The following FAM178B variants were observed in gnomAD, a reference collection of about 807,000 sequenced individuals.
FAM178B encodes protein FAM178B.
In FAM178B, 82 loss-of-function variants were observed where a neutral mutation model predicts 91.7. The observed-to-expected ratio is 0.89, with a 90% CI of 0.75 to 1.07. FAM178B has a LOEUF of 1.07. Among genes scored for constraint, FAM178B ranks in the 50% least tolerant of loss-of-function variants. The pLI is 0.00. For synonymous variants in FAM178B, 368 were observed against 359.4 expected (o/e 1.02, Z -0.27); for missense variants, 769 against 846.7 (o/e 0.91, Z 1.14).
intron 15 of FAM178B, 137 bp downstream of exon 15, chr2:96,878,279 G>C (rs62152871): frequency 1.1e-6 from 1 of 901,788 alleles, no homozygotes; most frequent in Non-Finnish European, 1.7e-6. Context: ...GCTCTCCCAC[G>C]CTGGCTTCCC....
At chr2:96,887,234 A>T (rs577995435) in intron 14 of FAM178B, among the ~76,000 whole-genome samples, 1 of 151,930 alleles carries the variant, frequency 6.6e-6, no homozygotes, top group Non-Finnish European at 1.5e-5. Context: ...CAACAACAAC[A>T]ACAACAAACC....
chr2:96,922,627 G>A (rs1364245552), intron 10 of FAM178B, among the ~76,000 whole-genome samples: 1 of 152,204 alleles, frequency 6.6e-6, no homozygotes, highest in Non-Finnish European at 1.5e-5. Context: ...TAAGATTACA[G>A]GCATGAGCCA....
intron 6 of FAM178B, among the ~76,000 whole-genome samples, chr2:96,957,431 G>C (rs949941891): frequency 5.3e-5 from 8 of 152,190 alleles, no homozygotes; most frequent in Non-Finnish European, 8.8e-5. Context: ...CAAGACTGCA[G>C]ATCTGAGGCA....
chr2:96,960,498 A>G (rs2082064483), intron 5 of FAM178B, 58 bp from the exon 6 acceptor site: 2 of 1,488,640 alleles, frequency 1.3e-6, no homozygotes, highest in Non-Finnish European at 1.8e-6. Flanking sequence ...GGCCTGAGGC[A>G]TGGCCATTAG....
chr2:96,876,943 C>G (rs2080257452), intron 16 of FAM178B, among the ~76,000 whole-genome samples: 1 of 152,138 alleles, frequency 6.6e-6, no homozygotes, highest in Non-Finnish European at 1.5e-5. Flanking sequence ...GGGAGTCAGG[C>G]TGGCTCATGC....
chr2:96,888,009 C>T (rs556025178), intron 14 of FAM178B, among the ~76,000 whole-genome samples: 4 of 152,158 alleles, frequency 2.6e-5, no homozygotes, highest in Non-Finnish European at 5.9e-5. Context: ...CAAGCCTGCT[C>T]GTACACTTGC....
At chr2:96,902,918 A>G (rs1206784799) in intron 12 of FAM178B, among the ~76,000 whole-genome samples, 1 of 152,232 alleles carries the variant, frequency 6.6e-6, no homozygotes, top group African/African-American at 2.4e-5. Context: ...AATCCACACA[A>G]AAACTCAAGT....
chr2:96,881,092 T>A (rs949156567), intron 14 of FAM178B, among the ~76,000 whole-genome samples: 37 of 151,782 alleles, frequency 2.4e-4, no homozygotes, highest in African/African-American at 8.0e-4. Flanking sequence ...GGCAACATAG[T>A]GAGACCCCGA....
intron 14 of FAM178B, among the ~76,000 whole-genome samples, chr2:96,892,901 C>A (rs945213880): frequency 1.3e-5 from 2 of 152,200 alleles, no homozygotes; most frequent in African/African-American, 4.8e-5. Flanking sequence ...AGAGAAGGGG[C>A]ATGCAGACAG....
At chr2:96,924,000 C>A (rs1044811826) in intron 9 of FAM178B, among the ~76,000 whole-genome samples, 1 of 152,230 alleles carries the variant, frequency 6.6e-6, no homozygotes, top group Non-Finnish European at 1.5e-5. Flanking sequence ...CTTCCACAAC[C>A]TAACCTCGAA....
intron 14 of FAM178B, among the ~76,000 whole-genome samples, chr2:96,889,022 G>A (rs566851176): frequency 2.0e-5 from 3 of 152,308 alleles, no homozygotes; most frequent in Admixed American, 6.5e-5. Context: ...AGAGCCACTC[G>A]CGCTCAGTCG....
At chr2:96,948,043 A>G (rs907979648) in intron 7 of FAM178B, 141 bp from the exon 8 acceptor site, 13 of 596,746 alleles carry the variant, frequency 2.2e-5, no homozygotes, top group Non-Finnish European at 3.9e-5. Context: ...GGACATTGTC[A>G]TTGTTGCCAA....
chr2:96,943,934 G>C (rs538624417), intron 8 of FAM178B, among the ~76,000 whole-genome samples: 1 of 152,194 alleles, frequency 6.6e-6, no homozygotes, highest in Admixed American at 6.5e-5. Context: ...TTACCAACAG[G>C]ACATCTCACA....
rs2081863329 is a variant in FAM178B, at chr2:96,948,220, G to A, written c.994-318C>T. ...GGGGGTCTTGGTCCCTCTGCCCCTC[G>A]CTCCCTGTGGTCATAGCCATGCCCC... On this transcript the variant is annotated intron_variant, in intron 7 of 16. Transcript: ENST00000490605. 3.9e-5 allele frequency among the ~76,000 whole-genome samples: 6 copies of A among 152,212 alleles called. No individual in the cohort carries two copies. In the South Asian group the frequency reaches 1.2e-3, roughly 32 times the overall value.
Position 96,929,199 on chromosome 2 carries a change from T to C in FAM178B, c.1193+7A>G. Reference sequence around the variant, plus strand: ...GAAAAAGGCAGTGAGGAAGCAGAAGTACTCACCTGCCACCGTGCCAAAAGG... The same window carrying C: ...GAAAAAGGCAGTGAGGAAGCAGAAGCACTCACCTGCCACCGTGCCAAAAGG... On this transcript the variant is annotated splice_region_variant and intron_variant, in intron 9 of 16. Coordinates refer to ENST00000490605, the MANE Select transcript of FAM178B (RefSeq NM_001122646.3). 2.0e-6 allele frequency: 3 copies of C among 1,535,096 alleles called. No homozygotes were observed. Among genetic ancestry groups the C allele is most frequent in the Non-Finnish European group, 2.6e-6 (3 of 1,132,132 alleles).
intron 13 of FAM178B, among the ~76,000 whole-genome samples, chr2:96,894,799 ACACT>A (rs1184867373): frequency 2.1e-3 from 119 of 55,372 alleles, no homozygotes; most frequent in Non-Finnish European, 3.0e-3. Context: ...ACTCACACAC[ACACT>A]CACCCACATA....
intron 7 of FAM178B, 67 bp from the exon 8 acceptor site, chr2:96,947,969 G>A: frequency 3.8e-6 from 3 of 786,234 alleles, no homozygotes; most frequent in Non-Finnish European, 6.5e-6. Flanking sequence ...AGCAATAGTA[G>A]CAAACTTCTA....
rs1410406100 is a variant in FAM178B at position 96,921,599 on chromosome 2, A to G, written c.1343T>C (p.Met448Thr). 1.3e-6 allele frequency: 2 copies of G among 1,551,538 alleles called. No individual in the cohort carries two copies. The highest frequency in any genetic ancestry group is 2.4e-5 in the East Asian group (1 of 40,926). The change falls in exon 11 of 17, where the codon ATG (methionine) becomes ACG (threonine). Residue 448 changes from methionine to threonine, a missense_variant. Physicochemically the swap from Met to Thr is moderately conservative, Grantham distance 81. Transcript: ENST00000490605. ...QPGAYTDENL[M>T]GLIELLCRTS... ...GCGGCACAGCAGCTCAATCAGTCCC[A>G]TGAGGTTCTCATCAGTGTAGGCCCC...
intron 10 of FAM178B, among the ~76,000 whole-genome samples, chr2:96,922,622 T>C (rs1262728064): frequency 1.3e-5 from 2 of 152,236 alleles, no homozygotes; most frequent in Non-Finnish European, 2.9e-5. Context: ...AGTGCTAAGA[T>C]TACAGGCATG....
Sources: allele counts gnomAD v4.1 joint callset (sites outside exome capture counted in the v4.1 genomes callset), GRCh38; gene constraint gnomAD v4.1.1; transcripts MANE v1.5; gene names NCBI Gene and HGNC (gene_info 2026-07-23, HGNC 2026-07-21).